SIK3: variants seen among roughly 807,000 people sequenced by gnomAD.
SIK3 encodes serine/threonine-protein kinase SIK3.
SIK3 carries 28 observed loss-of-function variants against 144.2 expected under a neutral mutation model. The observed-to-expected ratio is 0.19, with a 90% confidence interval of 0.14 to 0.27. The LOEUF (loss-of-function observed/expected upper bound fraction) is 0.27, where lower values mean the gene tolerates loss of function less well. SIK3 is among the 10% of genes least tolerant of loss of function. The pLI is 1.00. For missense variants in SIK3, 1,319 were observed against 1,776.0 expected, an observed-to-expected ratio of 0.74 and a Z score of 4.62; for synonymous variants, 686 against 676.3, an observed-to-expected ratio of 1.01 and a Z score of -0.22.
rs1422781938 is a variant in SIK3, at chr11:117,006,640, A to C, written c.274-49576T>G. ...CAGTGAGACCCTATCTCTGTGTTTA[A>C]AAAAAAAAGAAAGAAAGAAAGAAAA... On this transcript the variant is annotated intron_variant, in intron 1 of 24. Transcript: ENST00000445177. Among the ~76,000 whole-genome samples the C allele has an allele frequency of 2.0e-5, 3 of 150,476 alleles. No homozygotes were observed. In the East Asian group the frequency reaches 5.8e-4, roughly 29 times the overall value.
intron 6 of SIK3, among the ~76,000 whole-genome samples, chr11:116,889,915 G>T (rs61096084): frequency 0.013 from 1,927 of 152,086 alleles, 53 homozygotes; most frequent in African/African-American, 0.044. Flanking sequence ...TATTAAAAAA[G>T]AAATTATTTT....
At chr11:116,913,132 A>G (rs1946433367) in intron 4 of SIK3, among the ~76,000 whole-genome samples, 1 of 152,142 alleles carries the variant, frequency 6.6e-6, no homozygotes, top group South Asian at 2.1e-4. Flanking sequence ...AGAAGTCACA[A>G]TATTAGTTCA....
At position 116,858,057 on chromosome 11, in the gene SIK3, T is replaced by G. The variant is rs762575341; in HGVS notation, c.3408A>C (p.Ala1136=). The change falls in exon 21 of 25, where the codon GCA becomes GCC. Residue 1136 remains alanine (A), a synonymous_variant. Transcript: ENST00000445177. The surrounding 1 kb of genome is among the most constrained non-coding windows in gnomAD (Gnocchi z 5.4). ...CCTCCATGCTCTCTGAATGCATCAG[T>G]GCCGGCTGGTGAGCATACCCGTGGG... ...TPPHGYAHQP[A]LMHSESMEED... is the part of the protein sequence containing the mutation. 1.3e-5 allele frequency: 21 copies of G among 1,613,620 alleles called. No individual in the cohort carries two copies. The East Asian group carries it at 4.5e-4, about 34-fold the overall frequency.
Position 117,002,970 on chromosome 11 carries a change from C to T in SIK3, c.274-45906G>A, listed in dbSNP as rs536712695. On this transcript the variant is annotated intron_variant, in intron 1 of 24. Transcript: ENST00000445177. Reference sequence around the variant, plus strand: ...ACAGGTAGCCAGTACTGATGAAGTCCGGATTTGCCAGCAATGAAAAGCAGT... The same window carrying T: ...ACAGGTAGCCAGTACTGATGAAGTCTGGATTTGCCAGCAATGAAAAGCAGT... 7.8e-4 allele frequency among the ~76,000 whole-genome samples: 119 copies of T among 152,262 alleles called. 1 individual carries two copies. Among genetic ancestry groups the T allele is most frequent in the African/African-American group, 2.8e-3 (116 of 41,552 alleles).
chr11:116,873,679 G>A, intron 12 of SIK3, 43 bp from the exon 13 acceptor site: 1 of 1,520,472 alleles, frequency 6.6e-7, no homozygotes, highest in Non-Finnish European at 8.8e-7. Context: ...GAGATGAGGG[G>A]AAGGCGGGGA....
At chr11:116,907,174 A>C (rs1023371116) in intron 4 of SIK3, among the ~76,000 whole-genome samples, 3 of 152,200 alleles carry the variant, frequency 2.0e-5, no homozygotes, top group Non-Finnish European at 4.4e-5. Flanking sequence ...TATGCCTGAG[A>C]CGTGAGGTTC....
At chr11:116,933,080 T>C (rs1481607918) in intron 3 of SIK3, among the ~76,000 whole-genome samples, 1 of 152,040 alleles carries the variant, frequency 6.6e-6, no homozygotes, top group Non-Finnish European at 1.5e-5. Flanking sequence ...CTGATATTTT[T>C]AGTCACCATA....
chr11:117,009,117 C>A (rs1565551572), intron 1 of SIK3, among the ~76,000 whole-genome samples: 1 of 151,794 alleles, frequency 6.6e-6, no homozygotes, highest in Non-Finnish European at 1.5e-5. Context: ...CGCCTGTAAT[C>A]CCAGCTACTT....
intron 1 of SIK3, among the ~76,000 whole-genome samples, chr11:117,007,293 G>C (rs958339721): frequency 6.6e-6 from 1 of 152,130 alleles, no homozygotes; most frequent in Non-Finnish European, 1.5e-5. Context: ...TGAGACAATC[G>C]CTTGAACCTG....
chr11:116,975,182 A>AT (rs1231436670), intron 1 of SIK3, among the ~76,000 whole-genome samples: 2 of 149,982 alleles, frequency 1.3e-5, no homozygotes, highest in African/African-American at 5.0e-5. Flanking sequence ...TATTCTAGTT[A>AT]TTTAAAAAAA....
chr11:116,888,982 G>C lies in SIK3; in HGVS notation c.865+7271C>G, dbSNP rs1299205516. ...GTAAGAATCTCTTGCCATGGTGTGA[G>C]GTGATGGGGGTGGAGGATAGAAAAG... On this transcript the variant is annotated intron_variant, in intron 6 of 24. Coordinates refer to ENST00000445177, the MANE Select transcript of SIK3 (RefSeq NM_001366686.3). Among the ~76,000 whole-genome samples the C allele has an allele frequency of 1.3e-5, 2 of 152,198 alleles. 1 individual carries two copies. The highest frequency in any genetic ancestry group is 1.3e-4 in the Admixed American group (2 of 15,276).
intron 1 of SIK3, among the ~76,000 whole-genome samples, chr11:116,989,003 C>G (rs1009311253): frequency 6.6e-6 from 1 of 151,832 alleles, no homozygotes; most frequent in Non-Finnish European, 1.5e-5. Context: ...AATCCACACT[C>G]TAGTCTGTCT....
chr11:117,061,235 C>G (rs1378166787), intron 1 of SIK3, among the ~76,000 whole-genome samples: 1 of 151,670 alleles, frequency 6.6e-6, no homozygotes, highest in African/African-American at 2.4e-5. Flanking sequence ...AGAGCAAGAC[C>G]CCATCTCAAA....
intron 1 of SIK3, among the ~76,000 whole-genome samples, chr11:117,097,493 TCC>T (rs1359873347): frequency 7.1e-6 from 1 of 141,680 alleles, no homozygotes; most frequent in African/African-American, 2.6e-5. Context: ...CAAAGCAATT[TCC>T]CCCTTATTTC....
rs112352791 is a variant in SIK3 at position 116,862,556 on chromosome 11, G to A, written c.2104-229C>T. Among the ~76,000 whole-genome samples, 257 of 152,332 alleles carry A rather than the reference G, an allele frequency of 1.7e-3. No homozygotes were observed. In the South Asian group the frequency reaches 0.019, roughly 11 times the overall value. ...AACATCAAGGATGGCCTTTGTATGAGTACAAGTGTCCAATGTGAAATCTGT... is the reference window on the plus strand; with the variant it reads ...AACATCAAGGATGGCCTTTGTATGAATACAAGTGTCCAATGTGAAATCTGT... On this transcript the variant is annotated intron_variant, in intron 16 of 24. Coordinates refer to ENST00000445177, the MANE Select transcript of SIK3 (RefSeq NM_001366686.3).
intron 1 of SIK3, among the ~76,000 whole-genome samples, chr11:117,050,736 T>G (rs547586666): frequency 2.0e-4 from 30 of 151,150 alleles, no homozygotes; most frequent in Non-Finnish European, 3.5e-4. Flanking sequence ...AAATAAATAG[T>G]TTTTTTTTAA....
intron 1 of SIK3, among the ~76,000 whole-genome samples, chr11:117,025,605 T>C (rs1228110565): frequency 6.6e-6 from 1 of 152,124 alleles, no homozygotes; most frequent in Non-Finnish European, 1.5e-5. Context: ...CTTTTTTGTG[T>C]TTTTGGTAGA....
Position 116,858,974 on chromosome 11 carries a change from TATAC to T in SIK3, c.2766-279_2766-276del, listed in dbSNP as rs1469000454. Among the ~76,000 whole-genome samples the T allele has an allele frequency of 6.6e-6, 1 of 152,220 alleles. No individual in the cohort carries two copies. Among genetic ancestry groups the T allele is most frequent in the Non-Finnish European group, 1.5e-5 (1 of 68,032 alleles). On this transcript the variant is annotated intron_variant, in intron 20 of 24. Transcript: ENST00000445177. This position sits in a 1 kb window ranked among gnomAD's most constrained non-coding sequence, Gnocchi z 5.4. ...TCAAGAAAAGGGGAACTGGAATTTT[TATAC>T]ATTCCTCTAACAGGCCATTTTCTTC... is the stretch of plus-strand genomic sequence containing the variant.
intron 4 of SIK3, among the ~76,000 whole-genome samples, chr11:116,905,393 T>C (rs940292064): frequency 1.3e-5 from 2 of 152,204 alleles, no homozygotes; most frequent in African/African-American, 4.8e-5. Context: ...TTGCAGCGAC[T>C]AAAAATAATG....
Sources: allele counts gnomAD v4.1 joint callset (sites outside exome capture counted in the v4.1 genomes callset), GRCh38; gene constraint gnomAD v4.1.1; non-coding constraint Gnocchi (gnomAD v3.1); transcripts MANE v1.5; gene names NCBI Gene and HGNC (gene_info 2026-07-23, HGNC 2026-07-21).